CELSR1: variants seen among roughly 807,000 people sequenced by gnomAD.
The protein encoded by CELSR1 is adhesion G protein-coupled receptor C1.
In CELSR1, 110 loss-of-function variants were observed where a neutral mutation model predicts 249.1. The ratio of observed to expected loss-of-function variants is 0.44; its 90% CI spans 0.38 to 0.52. CELSR1 has a LOEUF of 0.52. CELSR1 is among the 20% of genes least tolerant of loss of function. CELSR1 has a pLI of 0.00. For synonymous variants in CELSR1, 2,113 were observed against 1,900.0 expected, an observed-to-expected ratio of 1.11 and a Z score of -2.92; for missense variants, 4,109 against 4,296.4, an observed-to-expected ratio of 0.96 and a Z score of 1.22.
Position 46,409,241 on chromosome 22 carries a change from G to A in CELSR1, c.5060-79C>T. 1 of 1,469,296 alleles carries A rather than the reference G, an allele frequency of 6.8e-7. No homozygotes were observed. The highest frequency in any genetic ancestry group is 1.4e-5 in the African/African-American group (1 of 71,220). The allele number at this position is 1,469,296 out of a possible 1,614,324, so 91.0% of individuals were successfully genotyped here. A position where few individuals can be genotyped will look rare whatever the true frequency, so the allele number is the denominator to read the frequency against. On this transcript the variant is annotated intron_variant, in intron 8 of 34. Coordinates refer to ENST00000674500, the MANE Select transcript of CELSR1 (RefSeq NM_001378328.1). This position sits in a 1 kb window ranked among gnomAD's most constrained non-coding sequence, Gnocchi z 9.8. ...GACTTGGCTGCAGGGGCGGGGGATG[G>A]GCCTGCAGGCTAGGCCTGGGCCTTT...
In CELSR1 at chr22:46,500,529, T is replaced by C. The variant is rs2080456043; in HGVS notation, c.3544+33098A>G. ...AATGGGCTCTGAGCACAAAGGCCAC[T>C]GGGAGCTCTGGGAGCTTCCAAAGGG... is the stretch of plus-strand genomic sequence containing the variant. On this transcript the variant is annotated intron_variant, in intron 1 of 34. Coordinates refer to ENST00000674500, the MANE Select transcript of CELSR1 (RefSeq NM_001378328.1). This position sits in a 1 kb window ranked among gnomAD's most constrained non-coding sequence, Gnocchi z 4.9. 6.6e-6 allele frequency among the ~76,000 whole-genome samples: 1 copy of C among 152,140 alleles called. No homozygotes were observed. The highest frequency in any genetic ancestry group is 1.5e-5 in the Non-Finnish European group (1 of 68,018).
At chr22:46,503,048 C>T (rs1358168187) in intron 1 of CELSR1, among the ~76,000 whole-genome samples, 1 of 152,176 alleles carries the variant, frequency 6.6e-6, no homozygotes, top group African/African-American at 2.4e-5. Context: ...CTTCTCCGTG[C>T]CCACCCTCTG....
chr22:46,409,278 A>C lies in CELSR1; in HGVS notation c.5060-116T>G. 4 of 1,068,094 alleles carry C rather than the reference A, an allele frequency of 3.7e-6. No individual in the cohort carries two copies. Among genetic ancestry groups the C allele is most frequent in the Non-Finnish European group, 5.3e-6 (4 of 751,172 alleles). The allele number at this position is 1,068,094 out of a possible 1,614,324, so 66.2% of individuals were successfully genotyped here. A position where few individuals can be genotyped will look rare whatever the true frequency, so the allele number is the denominator to read the frequency against. ...AGGCCTGGGCCTTTTTCACTTTAAC[A>C]CGAAGGTGGGTCTGAGCCTCCCCTC... On this transcript the variant is annotated intron_variant, in intron 8 of 34. Coordinates refer to ENST00000674500, the MANE Select transcript of CELSR1 (RefSeq NM_001378328.1). This position sits in a 1 kb window ranked among gnomAD's most constrained non-coding sequence, Gnocchi z 9.8.
At position 46,390,876 on chromosome 22, in the gene CELSR1, A is replaced by G. The variant is rs2079082637; in HGVS notation, c.6250+310T>C. On this transcript the variant is annotated intron_variant, in intron 16 of 34. Transcript: ENST00000674500. The surrounding 1 kb of genome is among the most constrained non-coding windows in gnomAD (Gnocchi z 6.3). ...TGGACACAGTCAATGTCCCCATTTC[A>G]CAGAGGTAACCCGATGCTATGAACA... 6.6e-6 allele frequency among the ~76,000 whole-genome samples: 1 copy of G among 152,118 alleles called. No individual in the cohort carries two copies. Among genetic ancestry groups the G allele is most frequent in the Non-Finnish European group, 1.5e-5 (1 of 68,024 alleles).
rs1236762999 is a variant in CELSR1 at position 46,484,578 on chromosome 22, A to G, written c.3545-20233T>C. On this transcript the variant is annotated intron_variant, in intron 1 of 34. Transcript: ENST00000674500. This position sits in a 1 kb window ranked among gnomAD's most constrained non-coding sequence, Gnocchi z 4.5. ...GTTAGAGCTGGGGGCAGCCCGGGACAGCCTGGCAAGGGGCAGCTGCGCTCA... is the reference window on the plus strand; with the variant it reads ...GTTAGAGCTGGGGGCAGCCCGGGACGGCCTGGCAAGGGGCAGCTGCGCTCA... Among the ~76,000 whole-genome samples, 2 of 150,480 alleles carry G rather than the reference A, an allele frequency of 1.3e-5. No homozygotes were observed. Among genetic ancestry groups the G allele is most frequent in the African/African-American group, 2.4e-5 (1 of 40,994 alleles).
Position 46,390,373 on chromosome 22 carries a change from A to C in CELSR1, c.6345+19T>G. ...ACACACGTGCCCCTGCTGAACACAC[A>C]TCCCCGAGGCGCCCCTACCATGGCC... On this transcript the variant is annotated intron_variant, in intron 17 of 34. Coordinates refer to ENST00000674500, the MANE Select transcript of CELSR1 (RefSeq NM_001378328.1). The surrounding 1 kb of genome is among the most constrained non-coding windows in gnomAD (Gnocchi z 6.3). 6.3e-7 allele frequency: 1 copy of C among 1,596,896 alleles called. No homozygotes were observed. Among genetic ancestry groups the C allele is most frequent in the South Asian group, 1.1e-5 (1 of 89,496 alleles).
Position 46,365,371 on chromosome 22 carries a change from G to A in CELSR1, c.8414C>T (p.Ser2805Phe), listed in dbSNP as rs755549263. Residue 2805 changes from serine (S) to phenylalanine (F), a missense_variant, in exon 32 of 35, where the codon TCC (serine) becomes TTC (phenylalanine). Physicochemically the swap from Ser to Phe is radical, Grantham distance 155. Around this residue, in one of 7 missense-constraint regions of CELSR1, gnomAD observed 1,805 missense variants for 1,831.6 expected, o/e 0.99. Coordinates refer to ENST00000674500, the MANE Select transcript of CELSR1 (RefSeq NM_001378328.1). ...CAGGGACAGCTCGCTATCTGAGTCG[G>A]AATCGTGGCCTGTGGATGCGCGGGG... ...RSCKDPPGHD[S>F]DSDSELSLDE... is the part of the protein sequence containing the mutation. The A allele has an allele frequency of 2.5e-6, 4 of 1,612,760 alleles. No individual in the cohort carries two copies. The highest frequency in any genetic ancestry group is 4.5e-5 in the East Asian group (2 of 44,878).
chr22:46,397,913 C>G, intron 11 of CELSR1, 65 bp from the exon 12 acceptor site: 3 of 1,311,978 alleles, frequency 2.3e-6, no homozygotes, highest in Non-Finnish European at 2.0e-6. Context: ...TTAAGGGAAC[C>G]CTGAGACCTC....
intron 1 of CELSR1, among the ~76,000 whole-genome samples, chr22:46,515,154 G>A (rs2080613978): frequency 6.6e-6 from 1 of 152,092 alleles, no homozygotes; most frequent in Admixed American, 6.5e-5. Context: ...ATGGGACACA[G>A]CATGGGCAGT....
Position 46,396,284 on chromosome 22 carries a change from T to G in CELSR1, c.5843+321A>C, listed in dbSNP as rs935288446. ...TTAGCTGGGCATGGTGGCGGGCACC[T>G]GTAGGACCAGCTACTCGGGAGGCCG... On this transcript the variant is annotated intron_variant, in intron 13 of 34. Coordinates refer to ENST00000674500, the MANE Select transcript of CELSR1 (RefSeq NM_001378328.1). The surrounding 1 kb of genome is among the most constrained non-coding windows in gnomAD (Gnocchi z 6.4). Among the ~76,000 whole-genome samples the G allele has an allele frequency of 1.3e-5, 2 of 151,962 alleles. No individual in the cohort carries two copies. Among genetic ancestry groups the G allele is most frequent in the African/African-American group, 2.4e-5 (1 of 41,338 alleles).
At chr22:46,419,250 G>A (rs143937471) in intron 5 of CELSR1, among the ~76,000 whole-genome samples, 2,901 of 152,226 alleles carry the variant, frequency 0.019, 50 homozygotes, top group South Asian at 0.035. Flanking sequence ...GGGTCTTCTT[G>A]CCAATGACAA....
intron 5 of CELSR1, among the ~76,000 whole-genome samples, chr22:46,431,271 A>T (rs2079592406): frequency 6.6e-6 from 1 of 152,208 alleles, no homozygotes; most frequent in Admixed American, 6.5e-5. Flanking sequence ...CTGTGTTCAG[A>T]GCCAGGGCGG....
At chr22:46,516,423 C>T (rs2080628695) in intron 1 of CELSR1, among the ~76,000 whole-genome samples, 1 of 151,776 alleles carries the variant, frequency 6.6e-6, no homozygotes, top group Non-Finnish European at 1.5e-5. Flanking sequence ...CACTTGGACA[C>T]AGGAAGGGAA....
chr22:46,365,083 C>T, intron 32 of CELSR1, 148 bp downstream of exon 32: 2 of 1,181,608 alleles, frequency 1.7e-6, no homozygotes, highest in Non-Finnish European at 2.3e-6. Context: ...GGGAGCCCAA[C>T]CAGAGTCCCC....
At chr22:46,377,027 C>A in intron 24 of CELSR1, 34 bp downstream of exon 24, 1 of 1,606,996 alleles carries the variant, frequency 6.2e-7, no homozygotes. Flanking sequence ...AAGCTGCGGC[C>A]CAGACAGTGG....
Position 46,447,566 on chromosome 22 carries a change from C to A in CELSR1, c.4184-8155G>T, listed in dbSNP as rs970568530. Among the ~76,000 whole-genome samples the A allele has an allele frequency of 6.6e-6, 1 of 152,196 alleles. No individual in the cohort carries two copies. The highest frequency in any genetic ancestry group is 1.5e-5 in the Non-Finnish European group (1 of 68,036). Reference sequence around the variant, plus strand: ...TTGCTGTGCTCACTCACGCATGCAGCCTGCCAAAAGCTCCCCCTCTCCCCG... The same window carrying A: ...TTGCTGTGCTCACTCACGCATGCAGACTGCCAAAAGCTCCCCCTCTCCCCG... On this transcript the variant is annotated intron_variant, in intron 2 of 34. Transcript: ENST00000674500. The surrounding 1 kb of genome is among the most constrained non-coding windows in gnomAD (Gnocchi z 4.7).
chr22:46,367,655 C>T, intron 28 of CELSR1, 74 bp downstream of exon 28: 1 of 1,538,396 alleles, frequency 6.5e-7, no homozygotes, highest in South Asian at 1.2e-5. Context: ...CAGAGGCCTC[C>T]ACTGCTTCGC....
chr22:46,368,424 C>T (rs1194740441), intron 27 of CELSR1, among the ~76,000 whole-genome samples: 4 of 151,948 alleles, frequency 2.6e-5, no homozygotes, highest in African/African-American at 7.2e-5. Context: ...CCCCCATATC[C>T]GGCCTTCCAG....
chr22:46,397,578 G>C (rs563432809), intron 12 of CELSR1, 96 bp downstream of exon 12: 14 of 1,164,460 alleles, frequency 1.2e-5, no homozygotes, highest in African/African-American at 1.6e-5. Flanking sequence ...ACAGGGAGTT[G>C]GCTGGGGACG....
Sources: allele counts gnomAD v4.1 joint callset (sites outside exome capture counted in the v4.1 genomes callset), GRCh38; gene constraint gnomAD v4.1.1; regional missense constraint gnomAD v4.1.1; non-coding constraint Gnocchi (gnomAD v3.1); transcripts MANE v1.5; gene names NCBI Gene and HGNC (gene_info 2026-07-23, HGNC 2026-07-21).